ANKRD28: variants seen among roughly 807,000 people sequenced by gnomAD.
ANKRD28 encodes the protein serine/threonine-protein phosphatase 6 regulatory ankyrin repeat subunit A.
A neutral mutation model predicts 126.5 loss-of-function variants in ANKRD28; 44 were observed. The observed-to-expected ratio is 0.35, with a 90% CI of 0.27 to 0.45. The LOEUF (loss-of-function observed/expected upper bound fraction) is 0.45. Ranked by LOEUF, ANKRD28 falls within the 20% of genes least tolerant of loss-of-function variation. ANKRD28 has a pLI of 1.00. For synonymous variants in ANKRD28, 442 were observed against 468.5 expected, an observed-to-expected ratio of 0.94 and a Z score of 0.73; for missense variants, 1,110 against 1,316.6, an observed-to-expected ratio of 0.84 and a Z score of 2.43.
At chr3:15,739,700 A>C (rs180778227) in intron 4 of ANKRD28, among the ~76,000 whole-genome samples, 23 of 152,360 alleles carry the variant, frequency 1.5e-4, no homozygotes, top group African/African-American at 7.2e-5. Context: ...CAGAGCATCA[A>C]GGAAGACTGA....
At chr3:15,857,056 C>G (rs893768947) in intron 1 of ANKRD28, among the ~76,000 whole-genome samples, 1 of 152,168 alleles carries the variant, frequency 6.6e-6, no homozygotes, top group Non-Finnish European at 1.5e-5. Context: ...TTCCTGTAGA[C>G]GGGAAAGTTT....
chr3:15,794,875 CA>C, intron 2 of ANKRD28, among the ~76,000 whole-genome samples: 1 of 152,228 alleles, frequency 6.6e-6, no homozygotes, highest in Middle Eastern at 3.4e-3. Flanking sequence ...CAACTTACTA[CA>C]TATATATGTA....
At chr3:15,808,482 C>T (rs1053965933) in intron 1 of ANKRD28, among the ~76,000 whole-genome samples, 6 of 152,158 alleles carry the variant, frequency 3.9e-5, no homozygotes, top group Non-Finnish European at 1.5e-5. Flanking sequence ...TTTGTATTTT[C>T]AACTTTTTCT....
At chr3:15,793,506 TA>T (rs2060128429) in intron 2 of ANKRD28, among the ~76,000 whole-genome samples, 3 of 152,148 alleles carry the variant, frequency 2.0e-5, no homozygotes, top group Non-Finnish European at 4.4e-5. Flanking sequence ...TGATTAAATA[TA>T]ACATAAAAGT....
In ANKRD28 at chr3:15,690,824, T is replaced by C. The variant is rs554735094; in HGVS notation, c.1762-604A>G. On this transcript the variant is annotated intron_variant, in intron 17 of 27. Coordinates refer to ENST00000683139, the MANE Select transcript of ANKRD28 (RefSeq NM_001349278.2). ...GCCTCAAGTCATCCTCCTACCTTGG[T>C]CTCTCAAAGTGCTAGGAATACAGGC... Among the ~76,000 whole-genome samples the C allele has an allele frequency of 6.6e-5, 10 of 152,222 alleles. No homozygotes were observed. In the East Asian group the frequency reaches 1.9e-3, roughly 29 times the overall value.
At chr3:15,802,659 T>C (rs971359642), upstream of ANKRD28, among the ~76,000 whole-genome samples, 27 of 152,210 alleles carry the variant, frequency 1.8e-4, no homozygotes, top group African/African-American at 6.5e-4. Context: ...CATATTTTCC[T>C]GGATAAGCTA....
At position 15,696,833 on chromosome 3, in the gene ANKRD28, A is replaced by C. The variant is rs149703829; in HGVS notation, c.1548-588T>G. Among the ~76,000 whole-genome samples the C allele has an allele frequency of 1.6e-3, 244 of 152,266 alleles. 4 individuals are homozygous for C. In the East Asian group the frequency reaches 0.035, roughly 22 times the overall value. On this transcript the variant is annotated intron_variant, in intron 14 of 27. Transcript: ENST00000683139. ...GTGATAATAAAATATGAGGAAAATA[A>C]TTTTAAAAAACACTATATGTAAAAC...
chr3:15,675,785 A>C (rs1334167285), intron 27 of ANKRD28, 113 bp downstream of exon 27: 1 of 883,098 alleles, frequency 1.1e-6, no homozygotes, highest in East Asian at 2.8e-5. Context: ...CTTCAATATT[A>C]ACTTTAGCTC....
intron 4 of ANKRD28, among the ~76,000 whole-genome samples, chr3:15,741,696 CCTTTTTTTTTTTTTTTTTTTTTTTTT>C (rs1559448655): frequency 3.3e-5 from 1 of 30,354 alleles, no homozygotes; most frequent in African/African-American, 1.3e-4. Flanking sequence ...TTGGTTCTAT[CCTTTTTTTTTTTTTTTTTTTTTTTTT>C]TTTTTTTTTT....
intron 1 of ANKRD28, among the ~76,000 whole-genome samples, chr3:15,851,331 C>T (rs967573206): frequency 9.2e-5 from 14 of 151,872 alleles, no homozygotes; most frequent in Non-Finnish European, 1.8e-4. Flanking sequence ...GGCTTGAACT[C>T]GTAAGTTCAA....
Position 15,714,669 on chromosome 3 carries a change from GA to G in ANKRD28, c.997-14del. ...TCCCATCTTTACTCTGGGGGGGGAA[GA>G]AAAAAATTACTCACTCTACTATATC... On this transcript the variant is annotated splice_polypyrimidine_tract_variant and intron_variant, in intron 8 of 27. Transcript: ENST00000683139. 6.4e-7 allele frequency: 1 copy of G among 1,568,502 alleles called. No homozygotes were observed.
intron 2 of ANKRD28, among the ~76,000 whole-genome samples, chr3:15,777,818 C>G (rs2059353558): frequency 6.9e-6 from 1 of 145,486 alleles, no homozygotes; most frequent in Admixed American, 7.0e-5. Flanking sequence ...GCAACCTGGA[C>G]AGTTGACTGC....
chr3:15,837,536 T>C (rs2061350458), intron 1 of ANKRD28, among the ~76,000 whole-genome samples: 1 of 152,168 alleles, frequency 6.6e-6, no homozygotes, highest in African/African-American at 2.4e-5. Flanking sequence ...AAGACACCTG[T>C]AAATAACCAA....
intron 3 of ANKRD28, among the ~76,000 whole-genome samples, chr3:15,761,660 G>C (rs1247872240): frequency 6.6e-6 from 1 of 152,092 alleles, no homozygotes. Context: ...GATACGATTA[G>C]TCTTTTACTA....
In ANKRD28 at chr3:15,839,690, A is replaced by T. The variant is rs1340193903; in HGVS notation, c.27+19687T>A. Among the ~76,000 whole-genome samples, 1 of 152,204 alleles carries T rather than the reference A, an allele frequency of 6.6e-6. No individual in the cohort carries two copies. The highest frequency in any genetic ancestry group is 1.9e-4 in the East Asian group (1 of 5,200). On this transcript the variant is annotated intron_variant, in intron 1 of 27. Coordinates refer to the ANKRD28 transcript ENST00000399451. The surrounding 1 kb of genome is among the most constrained non-coding windows in gnomAD (Gnocchi z 4.3). Reference sequence around the variant, plus strand: ...CCAAATTCAACAACACACTAAAAAAAATCATTCATCATGACCAAGTGGGAC... The same window carrying T: ...CCAAATTCAACAACACACTAAAAAATATCATTCATCATGACCAAGTGGGAC...
intron 3 of ANKRD28, chr3:15,756,457 A>G (rs554887066): frequency 2.0e-6 from 2 of 980,292 alleles, no homozygotes; most frequent in African/African-American, 1.7e-5. Flanking sequence ...ATAAATTCAA[A>G]AACAAAAACT....
rs1343752211 is a variant in ANKRD28, at chr3:15,839,459, C to T, written c.27+19918G>A. Among the ~76,000 whole-genome samples the T allele has an allele frequency of 1.3e-5, 2 of 151,962 alleles. No individual in the cohort carries two copies. Among genetic ancestry groups the T allele is most frequent in the East Asian group, 1.9e-4 (1 of 5,178 alleles). The stretch of plus-strand genomic sequence containing the variant: ...ATGTTGATTCAGCACACAGGAACAC[C>T]AAACCAATGAAAACTATAATCACAT... On this transcript the variant is annotated intron_variant, in intron 1 of 27. Transcript: ENST00000399451. This position sits in a 1 kb window ranked among gnomAD's most constrained non-coding sequence, Gnocchi z 4.3.
chr3:15,836,424 T>G (rs1019445968), intron 1 of ANKRD28, among the ~76,000 whole-genome samples: 1 of 151,908 alleles, frequency 6.6e-6, no homozygotes, highest in African/African-American at 2.4e-5. Context: ...AAGAGGAACA[T>G]AAAAGACATG....
chr3:15,674,883 A>G (rs1347677300), intron 27 of ANKRD28, among the ~76,000 whole-genome samples: 1 of 152,204 alleles, frequency 6.6e-6, no homozygotes, highest in African/African-American at 2.4e-5. Context: ...AGTAGTTAAC[A>G]CAGTAGAAGT....
Sources: gnomAD v4.1 joint callset for allele counts (sites outside exome capture counted in the v4.1 genomes callset) on GRCh38, gnomAD v4.1.1 for gene constraint, Gnocchi (gnomAD v3.1) non-coding constraint, MANE v1.5 for transcripts, NCBI Gene and HGNC (gene_info 2026-07-23, HGNC 2026-07-21) for gene names.